Variants in CEP152 observed in about 807,000 individuals in gnomAD.
CEP152 encodes the protein centrosomal protein 152.
CEP152 carries 132 observed loss-of-function variants against 188.9 expected under a neutral mutation model. The observed-to-expected ratio is 0.70, with a 90% CI of 0.61 to 0.81. CEP152 has a LOEUF of 0.81. CEP152 is among the 30% of genes least tolerant of loss of function. The probability of loss-of-function intolerance (pLI) is 0.00; values close to 1 mark genes in which losing one functional copy is unlikely to be tolerated. For synonymous variants in CEP152, 649 were observed against 666.6 expected (o/e 0.97, Z 0.41); for missense variants, 1,914 against 1,969.8 (o/e 0.97, Z 0.54).
chr15:48,767,968 A>G (rs1226770255), intron 15 of CEP152, among the ~76,000 whole-genome samples: 1 of 152,172 alleles, frequency 6.6e-6, no homozygotes, highest in Non-Finnish European at 1.5e-5. Context: ...AAAAATATTA[A>G]CCTATAATAT....
At chr15:48,809,040 T>C (rs889532986) in intron 1 of CEP152, among the ~76,000 whole-genome samples, 6 of 152,212 alleles carry the variant, frequency 3.9e-5, no homozygotes, top group African/African-American at 1.4e-4. Context: ...CAGCATTCCT[T>C]TTGTTGTCCC....
chr15:48,791,839 AT>A, intron 7 of CEP152, among the ~76,000 whole-genome samples: 1 of 151,828 alleles, frequency 6.6e-6, no homozygotes, highest in South Asian at 2.1e-4. Context: ...ATTATTAAAA[AT>A]TAAAAATTAA....
intron 13 of CEP152, among the ~76,000 whole-genome samples, chr15:48,769,832 C>T (rs954280154): frequency 1.3e-5 from 2 of 152,164 alleles, no homozygotes; most frequent in Non-Finnish European, 2.9e-5. Flanking sequence ...TAGACTTTGG[C>T]GAATTGCCTT....
In CEP152 at chr15:48,783,969, C is replaced by T. The variant is rs1896449541; in HGVS notation, c.1321+4G>A. ...GGGAGACAGTGGACCTACCAGACAC[C>T]TACCGGACTGCAACAAGTGGGCACA... On this transcript the variant is annotated splice_donor_region_variant and intron_variant, in intron 10 of 26. Transcript: ENST00000380950. 6.2e-7 allele frequency: 1 copy of T among 1,613,686 alleles called. No homozygotes were observed. The highest frequency in any genetic ancestry group is 1.1e-5 in the South Asian group (1 of 91,064).
At chr15:48,773,531 T>C (rs1308989851) in intron 12 of CEP152, 1 of 151,862 alleles carries the variant, frequency 6.6e-6, no homozygotes, top group Admixed American at 6.6e-5. Context: ...AGGGAAGAAA[T>C]ACTGGGGAAA....
chr15:48,762,250 A>G, intron 18 of CEP152, 141 bp downstream of exon 18: 1 of 809,962 alleles, frequency 1.2e-6, no homozygotes, highest in Non-Finnish European at 2.0e-6. Context: ...AAATTTAGGA[A>G]CATGACAGGT....
Position 48,762,441 on chromosome 15 carries a change from T to G in CEP152, c.2512A>C (p.Lys838Gln). The G allele has an allele frequency of 6.2e-7, 1 of 1,614,140 alleles. No individual in the cohort carries two copies. The highest frequency in any genetic ancestry group is 1.1e-5 in the South Asian group (1 of 91,080). Residue 838 changes from lysine to glutamine, a missense_variant, in exon 18 of 27, where the codon AAA (lysine) becomes CAA (glutamine). Transcript: ENST00000380950. ...TTGAGTTCCAATTCAATTTCGAGTT[T>G]CTTCATAGCCCCCTTGATGGCTATG... ...KDIAIKGAMKKLEIELELKHC... is the reference protein window; with the variant it reads ...KDIAIKGAMKQLEIELELKHC...
At chr15:48,773,332 C>A (rs1334040662) in intron 12 of CEP152, 1 of 153,476 alleles carries the variant, frequency 6.5e-6, no homozygotes, top group East Asian at 1.9e-4. Context: ...AGACAACAGG[C>A]AGCACAGGCC....
chr15:48,756,053 A>C lies in CEP152; in HGVS notation c.3195T>G (p.Ser1065=). The C allele has an allele frequency of 6.2e-7, 1 of 1,614,126 alleles. No homozygotes were observed. Among genetic ancestry groups the C allele is most frequent in the African/African-American group, 1.3e-5 (1 of 75,038 alleles). The change falls in exon 20 of 27, where the codon TCT becomes TCG. Residue 1065 remains serine (S), a synonymous_variant. Coordinates refer to ENST00000380950, the MANE Select transcript of CEP152 (RefSeq NM_001194998.2). ...SDTQKEHISD[S]EDKQLLEIMS... ...TGATTTCCAAAAGCTGCTTGTCCTC[A>C]GAATCACTGATGTGCTCCTTTTGGG...
At chr15:48,807,748 G>C (rs1406573494) in intron 1 of CEP152, among the ~76,000 whole-genome samples, 1 of 152,112 alleles carries the variant, frequency 6.6e-6, no homozygotes, top group Non-Finnish European at 1.5e-5. Flanking sequence ...GAGAAGAGAG[G>C]TTTGTTCCCA....
intron 2 of CEP152, among the ~76,000 whole-genome samples, chr15:48,730,780 C>T (rs1892394932): frequency 6.6e-6 from 1 of 152,198 alleles, no homozygotes. Context: ...GTGGAGAAAT[C>T]AGCAGGCACA....
Position 48,805,567 on chromosome 15 carries a change from T to G in CEP152, c.83A>C (p.Lys28Thr). ...EYDEEDYERE[K>T]ELQQLLTDLP... The stretch of plus-strand genomic sequence containing the variant: ...TTTTTTTTTTTAACAACTTACCTCT[T>G]TCTCTCTTTCATAGTCCTCTTCGTC... Residue 28 changes from lysine to threonine, a missense_variant, in exon 2 of 27, where the codon AAA becomes ACA. Transcript: ENST00000380950. 3.1e-6 allele frequency: 5 copies of G among 1,607,412 alleles called. No individual in the cohort carries two copies. Among genetic ancestry groups the G allele is most frequent in the Non-Finnish European group, 4.2e-6 (5 of 1,178,818 alleles).
intron 6 of CEP152, 36 bp downstream of exon 6, chr15:48,795,974 G>C (rs1402536529): frequency 1.3e-6 from 2 of 1,570,632 alleles, no homozygotes; most frequent in Admixed American, 1.7e-5. Context: ...CCCCAATTAT[G>C]TGGTATTAAA....
At chr15:48,802,567 T>C (rs990323325) in intron 2 of CEP152, among the ~76,000 whole-genome samples, 5 of 152,184 alleles carry the variant, frequency 3.3e-5, no homozygotes, top group African/African-American at 9.7e-5. Flanking sequence ...TTTACTAATG[T>C]ACCATTAAGA....
rs1371118247 is a variant in CEP152 at position 48,739,101 on chromosome 15, C to G, written c.4281G>C (p.Glu1427Asp). 1 of 1,614,086 alleles carries G rather than the reference C, an allele frequency of 6.2e-7. No homozygotes were observed. Among genetic ancestry groups the G allele is most frequent in the Non-Finnish European group, 8.5e-7 (1 of 1,180,026 alleles). The change falls in exon 27 of 27, where the codon GAG becomes GAC. Residue 1427 changes from glutamate to aspartate, a missense_variant. Physicochemically the swap from Glu to Asp is conservative, Grantham distance 45 (BLOSUM62 2). Transcript: ENST00000380950. ...CNLQRLLENS[E>D]HQSIKHVGSK... Reference sequence around the variant, plus strand: ...ATCCCACATGCTTTATGCTCTGATGCTCTGAGTTCTCTAACAGCCTTTGTA... The same window carrying G: ...ATCCCACATGCTTTATGCTCTGATGGTCTGAGTTCTCTAACAGCCTTTGTA...
At chr15:48,797,622 C>T in intron 4 of CEP152, 39 bp downstream of exon 4, 1 of 1,613,954 alleles carries the variant, frequency 6.2e-7, no homozygotes, top group East Asian at 2.2e-5. Context: ...AAGATCCAGT[C>T]CCACCCTCAC....
rs777171212 is a variant in CEP152 at position 48,796,129 on chromosome 15, T to G, written c.572A>C (p.Asn191Thr). 6.2e-7 allele frequency: 1 copy of G among 1,613,892 alleles called. No homozygotes were observed. Among genetic ancestry groups the G allele is most frequent in the South Asian group, 1.1e-5 (1 of 91,084 alleles). ...GPSCQGLEPY[N>T]KVTYKPYQSS... ...CTGATAAGGTTTATATGTCACTTTATTATACGGTTCCAAACCTTGACAACT... is the reference window on the plus strand; with the variant it reads ...CTGATAAGGTTTATATGTCACTTTAGTATACGGTTCCAAACCTTGACAACT... Residue 191 changes from asparagine to threonine, a missense_variant, in exon 6 of 27, where the codon AAT becomes ACT. Coordinates refer to ENST00000380950, the MANE Select transcript of CEP152 (RefSeq NM_001194998.2).
chr15:48,745,737 T>C (rs560741433), intron 22 of CEP152, among the ~76,000 whole-genome samples: 30 of 152,288 alleles, frequency 2.0e-4, no homozygotes, highest in South Asian at 2.1e-4. Flanking sequence ...TAAGAGTCCA[T>C]GTGGTATGAA....
chr15:48,738,191 G>T lies in CEP152; in HGVS notation c.*58C>A. On this transcript the variant is annotated 3_prime_UTR_variant, in exon 27 of 27. Coordinates refer to ENST00000380950, the MANE Select transcript of CEP152 (RefSeq NM_001194998.2). ...GGCTCACAATTTTTTTCAGTATGAG[G>T]TCTTCCCTTCCATTTTTGTTAATAT... is the stretch of plus-strand genomic sequence containing the variant. 6.6e-7 allele frequency: 1 copy of T among 1,519,584 alleles called. No individual in the cohort carries two copies. Among genetic ancestry groups the T allele is most frequent in the Non-Finnish European group, 8.8e-7 (1 of 1,131,034 alleles). The allele number at this position is 1,519,584 out of a possible 1,614,324, so 94.1% of individuals were successfully genotyped here.
Sources: gnomAD v4.1 joint callset for allele counts (sites outside exome capture counted in the v4.1 genomes callset) on GRCh38, gnomAD v4.1.1 for gene constraint, MANE v1.5 for transcripts, NCBI Gene and HGNC (gene_info 2026-07-23, HGNC 2026-07-21) for gene names.